Variants in KAZN observed in about 807,000 individuals in gnomAD.
KAZN encodes the protein kazrin, periplakin interacting protein, also known as kazrin.
KAZN carries 40 observed loss-of-function variants against 87.4 expected under a neutral mutation model. The observed-to-expected ratio is 0.46, with a 90% CI of 0.36 to 0.60. KAZN has a LOEUF of 0.60. Among genes scored for constraint, KAZN ranks in the 20% least tolerant of loss-of-function variants. KAZN has a pLI of 0.00. For synonymous variants in KAZN, 466 were observed against 458.3 expected (o/e 1.02, Z -0.22); for missense variants, 898 against 1,073.9 (o/e 0.84, Z 2.29).
intron 2 of KAZN, among the ~76,000 whole-genome samples, chr1:14,396,105 T>C (rs1219495088): frequency 1.3e-5 from 2 of 148,902 alleles, no homozygotes; most frequent in Admixed American, 1.4e-4. Context: ...GAGGCAAAGG[T>C]TGCAGTGAGC....
chr1:15,008,442 T>A (rs985021670), intron 2 of KAZN, among the ~76,000 whole-genome samples: 1 of 152,166 alleles, frequency 6.6e-6, no homozygotes, highest in Non-Finnish European at 1.5e-5. Flanking sequence ...ATTCATCAGA[T>A]GGGAACACTG....
Position 14,794,708 on chromosome 1 carries a change from T to G in KAZN, c.227-165976T>G, listed in dbSNP as rs115289469. 6.8e-3 allele frequency among the ~76,000 whole-genome samples: 1,030 copies of G among 152,268 alleles called. 11 individuals carry two copies. The highest frequency in any genetic ancestry group is 0.024 in the African/African-American group (997 of 41,532). ...GTAAGTACTTCACAGGCTGTATGGG[T>G]GTAATGGTTAATACTGAGTGTCAAC... On this transcript the variant is annotated intron_variant, in intron 1 of 14. Coordinates refer to ENST00000376030, the MANE Select transcript of KAZN (RefSeq NM_201628.3).
intron 1 of KAZN, among the ~76,000 whole-genome samples, chr1:13,917,097 C>T (rs1639882612): frequency 6.6e-6 from 1 of 152,116 alleles, no homozygotes; most frequent in Non-Finnish European, 1.5e-5. Flanking sequence ...TGTGTGTGCA[C>T]ACGTGCATGC....
At chr1:14,598,624 C>T, upstream of KAZN, 1 of 1,104,852 alleles carries the variant, frequency 9.1e-7, no homozygotes, top group Non-Finnish European at 1.1e-6. This position sits in a 1 kb window ranked among gnomAD's most constrained non-coding sequence, Gnocchi z 4.2. Flanking sequence ...CCGAGACCCC[C>T]TCCCGAGCCG....
intron 1 of KAZN, among the ~76,000 whole-genome samples, chr1:14,084,524 A>G (rs1643791879): frequency 2.0e-5 from 3 of 152,086 alleles, no homozygotes; most frequent in South Asian, 2.1e-4. Flanking sequence ...TTAAAAATCA[A>G]TCATTTCCTG....
At chr1:15,059,668 AAG>A (rs1398084144) in intron 5 of KAZN, among the ~76,000 whole-genome samples, 16 of 152,120 alleles carry the variant, frequency 1.1e-4, no homozygotes, top group Admixed American at 2.6e-4. Flanking sequence ...ATATGGGGGA[AAG>A]AGAGAAAGTG....
At chr1:14,874,523 C>T (rs969675922) in intron 1 of KAZN, among the ~76,000 whole-genome samples, 2 of 140,372 alleles carry the variant, frequency 1.4e-5, no homozygotes, top group East Asian at 2.2e-4. Context: ...GATGGATGGA[C>T]AGATGGATGG....
At chr1:14,305,753 A>G (rs1483456287) in intron 2 of KAZN, among the ~76,000 whole-genome samples, 3 of 152,044 alleles carry the variant, frequency 2.0e-5, no homozygotes, top group African/African-American at 4.8e-5. Flanking sequence ...AAAGATGAAC[A>G]GGCCTCAGGT....
chr1:14,970,308 A>C (rs138319250), intron 2 of KAZN, among the ~76,000 whole-genome samples: 50 of 152,228 alleles, frequency 3.3e-4, no homozygotes, highest in Non-Finnish European at 6.5e-4. Flanking sequence ...TCATTGGCCA[A>C]AGCAAGTCAC....
intron 2 of KAZN, among the ~76,000 whole-genome samples, chr1:14,300,119 A>C (rs1407376819): frequency 6.6e-6 from 1 of 152,104 alleles, no homozygotes; most frequent in Non-Finnish European, 1.5e-5. Context: ...CATCCTGGAA[A>C]TGTAGCACAT....
chr1:14,858,013 G>A (rs1650334266), intron 1 of KAZN, among the ~76,000 whole-genome samples: 1 of 152,074 alleles, frequency 6.6e-6, no homozygotes, highest in Admixed American at 6.6e-5. Flanking sequence ...CATCTCTATA[G>A]ATTTGCCTAT....
chr1:14,831,096 G>A (rs1214747380), intron 1 of KAZN, among the ~76,000 whole-genome samples: 1 of 152,192 alleles, frequency 6.6e-6, no homozygotes. Context: ...CTGACCTCAG[G>A]TGAGCCACCT....
At chr1:14,069,018 C>T (rs985927904) in intron 1 of KAZN, among the ~76,000 whole-genome samples, 7 of 152,108 alleles carry the variant, frequency 4.6e-5, no homozygotes, top group African/African-American at 1.7e-4. Context: ...AGGCTGGTCT[C>T]GAACTCCTGA....
chr1:14,153,280 G>A lies in KAZN; in HGVS notation c.92-27155G>A, dbSNP rs570518532. 2.6e-5 allele frequency among the ~76,000 whole-genome samples: 4 copies of A among 152,242 alleles called. No homozygotes were observed. In the East Asian group the frequency reaches 7.7e-4, roughly 29 times the overall value. On this transcript the variant is annotated intron_variant, in intron 1 of 16. Transcript: ENST00000636203. ...TCAAGAAATTTTTGCCCAGATCAATGCTCTGGAGAGTTTCCCCCAATGTTT... is the reference window on the plus strand; with the variant it reads ...TCAAGAAATTTTTGCCCAGATCAATACTCTGGAGAGTTTCCCCCAATGTTT...
At chr1:15,109,212 C>T (rs1462073844) in intron 13 of KAZN, among the ~76,000 whole-genome samples, 2 of 152,098 alleles carry the variant, frequency 1.3e-5, no homozygotes, top group Admixed American at 6.5e-5. Context: ...TGGCAAAACC[C>T]GGTCTCTACC....
At chr1:13,983,298 G>A (rs563665087) in intron 1 of KAZN, among the ~76,000 whole-genome samples, 1 of 152,356 alleles carries the variant, frequency 6.6e-6, no homozygotes, top group Non-Finnish European at 1.5e-5. Context: ...CAGGTCCCGA[G>A]CCCTGCCCCA....
intron 1 of KAZN, among the ~76,000 whole-genome samples, chr1:14,918,742 A>T (rs1056032140): frequency 8.0e-6 from 1 of 125,552 alleles, no homozygotes; most frequent in Non-Finnish European, 1.6e-5. Context: ...ATATATATAT[A>T]TATATATCCT....
chr1:14,881,467 A>G (rs1016089059), intron 1 of KAZN, among the ~76,000 whole-genome samples: 1 of 152,244 alleles, frequency 6.6e-6, no homozygotes, highest in Non-Finnish European at 1.5e-5. Flanking sequence ...GACCCGTACC[A>G]TTGGAACTGT....
At chr1:14,570,680 C>T (rs1328253610) in intron 2 of KAZN, among the ~76,000 whole-genome samples, 3 of 152,156 alleles carry the variant, frequency 2.0e-5, no homozygotes, top group Non-Finnish European at 4.4e-5. Context: ...ATGAATAATG[C>T]TGCAGTGAAT....
Sources: allele counts gnomAD v4.1 joint callset (sites outside exome capture counted in the v4.1 genomes callset), GRCh38; gene constraint gnomAD v4.1.1; non-coding constraint Gnocchi (gnomAD v3.1); transcripts MANE v1.5; gene names NCBI Gene and HGNC (gene_info 2026-07-23, HGNC 2026-07-21).